The following MYL3 variants were observed in gnomAD, a reference collection of about 807,000 sequenced individuals.
MYL3 encodes the protein myosin light chain 3, also known as CMLC1.
MYL3 carries 11 observed loss-of-function variants against 21.3 expected under a neutral mutation model. The ratio of observed to expected loss-of-function variants is 0.52; its 90% confidence interval spans 0.32 to 0.85. MYL3 has a LOEUF of 0.85. Ranked by LOEUF, MYL3 falls within the 40% of genes least tolerant of loss-of-function variation. MYL3 has a pLI of 0.03. For synonymous variants in MYL3, 88 were observed against 91.6 expected (o/e 0.96, Z 0.22); for missense variants, 206 against 253.3 (o/e 0.81, Z 1.27).
chr3:46,870,163 A>G lies in MYL3; in HGVS notation c.-217-3563T>C, dbSNP rs1470989726. On this transcript the variant is annotated intron_variant, in intron 1 of 3. Coordinates refer to the MYL3 transcript ENST00000431168. ...AGCCTGCAGACACGTACGCATGCAC[A>G]CCATCATGCCACCCCTCACCCCGGC... is the stretch of plus-strand genomic sequence containing the variant. 3.3e-5 allele frequency among the ~76,000 whole-genome samples: 5 copies of G among 151,912 alleles called. 1 individual carries two copies. The highest frequency in any genetic ancestry group is 7.4e-5 in the Non-Finnish European group (5 of 67,934).
intron 1 of MYL3, among the ~76,000 whole-genome samples, chr3:46,875,002 G>A (rs990635006): frequency 6.6e-6 from 1 of 152,194 alleles, no homozygotes; most frequent in Non-Finnish European, 1.5e-5. Context: ...AGGGCTGGGG[G>A]TGGGTTTGGA....
chr3:46,859,705 C>T lies in MYL3; in HGVS notation c.308-57G>A, dbSNP rs1701970080. Reference sequence around the variant, plus strand: ...TAAGGCTGGGGTGGGCACACCCCTCCCCCATGCCTGATAATGAGGAGCTAT... The same window carrying T: ...TAAGGCTGGGGTGGGCACACCCCTCTCCCATGCCTGATAATGAGGAGCTAT... On this transcript the variant is annotated intron_variant, in intron 3 of 6. Transcript: ENST00000292327. The surrounding 1 kb of genome is among the most constrained non-coding windows in gnomAD (Gnocchi z 4.1). 1.3e-6 allele frequency: 2 copies of T among 1,589,378 alleles called. No individual in the cohort carries two copies. The highest frequency in any genetic ancestry group is 2.2e-5 in the East Asian group (1 of 44,750).
chr3:46,873,005 T>C (rs111497558), intron 1 of MYL3, among the ~76,000 whole-genome samples: 53 of 152,186 alleles, frequency 3.5e-4, no homozygotes, highest in African/African-American at 1.2e-3. Flanking sequence ...CCCCAAGAGA[T>C]GGAGGCTTCT....
chr3:46,871,648 T>C (rs1005754998), intron 1 of MYL3, among the ~76,000 whole-genome samples: 3 of 152,020 alleles, frequency 2.0e-5, no homozygotes, highest in African/African-American at 7.3e-5. Context: ...GACTCACGGG[T>C]ACCCAGGAAT....
Position 46,858,413 on chromosome 3 carries a change from T to A in MYL3, c.530A>T (p.Glu177Val). 3 of 1,614,014 alleles carry A rather than the reference T, an allele frequency of 1.9e-6. No individual in the cohort carries two copies. Among genetic ancestry groups the A allele is most frequent in the Non-Finnish European group, 2.5e-6 (3 of 1,179,990 alleles). The change falls in exon 5 of 7, where the codon GAG becomes GTG. Residue 177 changes from glutamate to valine, a missense_variant. Coordinates refer to ENST00000292327, the MANE Select transcript of MYL3 (RefSeq NM_000258.3). ...DEVEKLMAGQ[E>V]DSNGCINYEA... ...ATAGTTGATGCAGCCATTGGAGTCC[T>A]CTTGCCCAGCCATCAACTTCTCCAC... is the stretch of plus-strand genomic sequence containing the variant.
intron 1 of MYL3, among the ~76,000 whole-genome samples, chr3:46,870,452 C>T (rs752198151): frequency 1.1e-4 from 16 of 151,450 alleles, no homozygotes; most frequent in Non-Finnish European, 1.6e-4. Flanking sequence ...CTCCCTGACC[C>T]CTTGCAGACC....
rs72895218 is a variant in MYL3 at position 46,862,609 on chromosome 3, T to C, written c.129+653A>G. Among the ~76,000 whole-genome samples the C allele has an allele frequency of 4.4e-3, 672 of 152,268 alleles. 6 individuals are homozygous for C. Among genetic ancestry groups the C allele is most frequent in the African/African-American group, 0.015 (630 of 41,542 alleles). On this transcript the variant is annotated intron_variant, in intron 1 of 6. Transcript: ENST00000292327. ...ATGCAGATACCACAGGTGGGAGTCA[T>C]GGCTCCCTCCAAGTTTAGACTCTGA...
At position 46,875,216 on chromosome 3, in the gene MYL3, C is replaced by T. The variant is rs12488827; in HGVS notation, c.-218+6858G>A. 4.2e-3 allele frequency among the ~76,000 whole-genome samples: 639 copies of T among 152,302 alleles called. 11 individuals are homozygous for T. Among genetic ancestry groups the T allele is most frequent in the Admixed American group, 0.035 (529 of 15,292 alleles). ...CACCCAAAGAAAGCACAGAGATGGG[C>T]ACAAAGGTAACAACACGCAACACTG... On this transcript the variant is annotated intron_variant, in intron 1 of 3. Coordinates refer to the MYL3 transcript ENST00000431168.
chr3:46,863,441 G>A lies in MYL3; in HGVS notation c.-51C>T, dbSNP rs894385728. ...TGTGGAGAGAAGAATGCAGAAAGCA[G>A]GGTAGGTGAGCCGCCTCACCCAGGC... On this transcript the variant is annotated 5_prime_UTR_variant, in exon 1 of 7. Coordinates refer to ENST00000292327, the MANE Select transcript of MYL3 (RefSeq NM_000258.3). The A allele has an allele frequency of 6.2e-7, 1 of 1,604,366 alleles. No homozygotes were observed. The highest frequency in any genetic ancestry group is 1.3e-5 in the African/African-American group (1 of 74,780).
chr3:46,859,699 C>T lies in MYL3; in HGVS notation c.308-51G>A. ...AGGGTCTAAGGCTGGGGTGGGCACA[C>T]CCCTCCCCCATGCCTGATAATGAGG... On this transcript the variant is annotated intron_variant, in intron 3 of 6. Transcript: ENST00000292327. The surrounding 1 kb of genome is among the most constrained non-coding windows in gnomAD (Gnocchi z 4.1). 1 of 1,600,566 alleles carries T rather than the reference C, an allele frequency of 6.2e-7. No individual in the cohort carries two copies. Among genetic ancestry groups the T allele is most frequent in the Non-Finnish European group, 8.6e-7 (1 of 1,167,954 alleles).
chr3:46,876,360 G>A lies in MYL3; in HGVS notation c.-218+5714C>T, dbSNP rs994826930. ...AACAGGGAGGCTTGACAGAGCACAG[G>A]GGAACTCTCCCTCCTTTGGGCACAA... On this transcript the variant is annotated intron_variant, in intron 1 of 3. Coordinates refer to the MYL3 transcript ENST00000431168. Among the ~76,000 whole-genome samples, 6 of 152,308 alleles carry A rather than the reference G, an allele frequency of 3.9e-5. No individual in the cohort carries two copies. In the South Asian group the frequency reaches 1.2e-3, roughly 32 times the overall value.
At position 46,879,227 on chromosome 3, in the gene MYL3, C is replaced by T. The variant is rs2030409536; in HGVS notation, c.-218+2847G>A. ...GCACCCATCAGATTCCTCTCTGCAGCCCTCTCCACAGCCCACCCTCATCCT... is the reference window on the plus strand; with the variant it reads ...GCACCCATCAGATTCCTCTCTGCAGTCCTCTCCACAGCCCACCCTCATCCT... On this transcript the variant is annotated intron_variant, in intron 1 of 3. Transcript: ENST00000431168. The surrounding 1 kb of genome is among the most constrained non-coding windows in gnomAD (Gnocchi z 4.7). 1.3e-5 allele frequency among the ~76,000 whole-genome samples: 2 copies of T among 152,136 alleles called. No homozygotes were observed. Among genetic ancestry groups the T allele is most frequent in the Admixed American group, 1.3e-4 (2 of 15,284 alleles).
At chr3:46,865,556 A>AT (rs1166729630), upstream of MYL3, among the ~76,000 whole-genome samples, 3 of 152,338 alleles carry the variant, frequency 2.0e-5, no homozygotes, top group East Asian at 5.8e-4. This position sits in a 1 kb window ranked among gnomAD's most constrained non-coding sequence, Gnocchi z 4.3. Flanking sequence ...GGGCCAGAGC[A>AT]GAGGACATAT....
At position 46,859,744 on chromosome 3, in the gene MYL3, AC is replaced by A. The variant is rs1175825682; in HGVS notation, c.308-97del. The A allele has an allele frequency of 7.2e-7, 1 of 1,391,334 alleles. No homozygotes were observed. Among genetic ancestry groups the A allele is most frequent in the East Asian group, 2.3e-5 (1 of 43,798 alleles). 86.2% of individuals were successfully genotyped at this position (1,391,334 alleles called of 1,614,324 possible). The stretch of plus-strand genomic sequence containing the variant: ...ATGAGGAGCTATCCCCACCTCTCAC[AC>A]AGTTCTACAACAGTCTACACCAGTT... On this transcript the variant is annotated intron_variant, in intron 3 of 6. Coordinates refer to ENST00000292327, the MANE Select transcript of MYL3 (RefSeq NM_000258.3). The surrounding 1 kb of genome is among the most constrained non-coding windows in gnomAD (Gnocchi z 4.1).
chr3:46,870,727 C>T (rs1702101201), intron 1 of MYL3, among the ~76,000 whole-genome samples: 1 of 152,144 alleles, frequency 6.6e-6, no homozygotes, highest in Non-Finnish European at 1.5e-5. Context: ...GCTAACCCAC[C>T]CCTGATGTGT....
intron 1 of MYL3, among the ~76,000 whole-genome samples, chr3:46,873,059 C>T (rs1019710147): frequency 6.6e-6 from 1 of 152,206 alleles, no homozygotes; most frequent in Non-Finnish European, 1.5e-5. Flanking sequence ...CTCAAGGGCT[C>T]GCCGTCTATT....
In MYL3 at chr3:46,861,639, G is replaced by A. The variant is rs1027954798; in HGVS notation, c.130-652C>T. 6.6e-6 allele frequency among the ~76,000 whole-genome samples: 1 copy of A among 152,202 alleles called. No individual in the cohort carries two copies. Among genetic ancestry groups the A allele is most frequent in the Non-Finnish European group, 1.5e-5 (1 of 68,040 alleles). On this transcript the variant is annotated intron_variant, in intron 1 of 6. Coordinates refer to ENST00000292327, the MANE Select transcript of MYL3 (RefSeq NM_000258.3). This position sits in a 1 kb window ranked among gnomAD's most constrained non-coding sequence, Gnocchi z 4.2. Reference sequence around the variant, plus strand: ...TGGGAAGCTCCCACACCCCAGGACAGCACAGGGCCAGGGCAGTGCTGCTGA... The same window carrying A: ...TGGGAAGCTCCCACACCCCAGGACAACACAGGGCCAGGGCAGTGCTGCTGA...
chr3:46,865,164 G>C (rs1702036160), upstream of MYL3, among the ~76,000 whole-genome samples: 1 of 152,206 alleles, frequency 6.6e-6, no homozygotes, highest in South Asian at 2.1e-4. The surrounding 1 kb of genome is among the most constrained non-coding windows in gnomAD (Gnocchi z 4.3). Flanking sequence ...CTCACAGGGA[G>C]GGACAGCAGT....
intron 1 of MYL3, among the ~76,000 whole-genome samples, chr3:46,869,395 C>T (rs990294025): frequency 6.6e-6 from 1 of 152,144 alleles, no homozygotes; most frequent in Non-Finnish European, 1.5e-5. Flanking sequence ...GAGGAGACTG[C>T]AAAGGCTGCC....
Sources: gnomAD v4.1 joint callset for allele counts (sites outside exome capture counted in the v4.1 genomes callset) on GRCh38, gnomAD v4.1.1 for gene constraint, Gnocchi (gnomAD v3.1) non-coding constraint, MANE v1.5 for transcripts, NCBI Gene and HGNC (gene_info 2026-07-23, HGNC 2026-07-21) for gene names.